RCC2: variants seen among roughly 807,000 people sequenced by gnomAD.
The protein encoded by RCC2 is regulator of chromosome condensation 2.
Under a neutral mutation model 64.1 loss-of-function variants are expected in RCC2, and 19 were observed. The ratio of observed to expected loss-of-function variants is 0.30; its 90% confidence interval spans 0.21 to 0.44. RCC2 has a LOEUF of 0.44. Among genes scored for constraint, RCC2 ranks in the 20% least tolerant of loss-of-function variants. The pLI, the probability that RCC2 is intolerant of heterozygous loss-of-function variation, is 1.00. For missense variants in RCC2, 508 were observed against 710.4 expected (o/e 0.72, Z 3.24); for synonymous variants, 325 against 279.6 (o/e 1.16, Z -1.62).
At position 17,412,267 on chromosome 1, in the gene RCC2, C is replaced by T. The variant is rs2075435200; in HGVS notation, c.1314-73G>A. On this transcript the variant is annotated intron_variant, in intron 10 of 12. Coordinates refer to ENST00000375436, the MANE Select transcript of RCC2 (RefSeq NM_018715.4). ...CACCCACGCAGCTATGGCTCAAGGG[C>T]ATGAGTGTGAGCTGCCACTTTTCCC... 2.1e-6 allele frequency: 3 copies of T among 1,428,506 alleles called. No homozygotes were observed. The South Asian group carries it at 3.5e-5, about 17-fold the overall frequency. 88.5% of individuals were successfully genotyped at this position (1,428,506 alleles called of 1,614,324 possible).
intron 3 of RCC2, among the ~76,000 whole-genome samples, chr1:17,427,006 T>G (rs2075624393): frequency 6.6e-6 from 1 of 152,050 alleles, no homozygotes; most frequent in Admixed American, 6.6e-5. Flanking sequence ...AGTGATCCAC[T>G]CGACTCAGCC....
intron 2 of RCC2, among the ~76,000 whole-genome samples, chr1:17,434,661 G>GAC (rs1028711118): frequency 1.3e-5 from 2 of 152,230 alleles, no homozygotes; most frequent in African/African-American, 4.8e-5. Flanking sequence ...GGGGTGGAAG[G>GAC]ACAGTCTTGG....
chr1:17,438,366 C>T lies in RCC2; in HGVS notation c.149G>A (p.Ser50Asn). Residue 50 changes from serine (S) to asparagine (N), a missense_variant, in exon 2 of 13, where the codon AGC becomes AAC. Ser to Asn is a conservative substitution (Grantham distance 46). Coordinates refer to ENST00000375436, the MANE Select transcript of RCC2 (RefSeq NM_018715.4). The part of the protein sequence containing the change: ...ERCSSSSGGG[S>N]SGDEDGLELD... The stretch of plus-strand genomic sequence containing the variant: ...CTCCAGGCCGTCCTCGTCGCCGCTG[C>T]TGCCGCCGCCGCTGCTGCTACTGCA... 3 of 1,241,842 alleles carry T rather than the reference C, an allele frequency of 2.4e-6. No homozygotes were observed. The highest frequency in any genetic ancestry group is 3.0e-6 in the Non-Finnish European group (3 of 995,830). The allele number at this position is 1,241,842 out of a possible 1,614,324, so 76.9% of individuals were successfully genotyped here. A position where few individuals can be genotyped will look rare whatever the true frequency, so the allele number is the denominator to read the frequency against.
intron 2 of RCC2, among the ~76,000 whole-genome samples, chr1:17,434,997 G>T (rs1017509382): frequency 6.6e-6 from 1 of 152,156 alleles, no homozygotes; most frequent in Non-Finnish European, 1.5e-5. Context: ...CAGCTACTCA[G>T]GAGGCTGAGG....
In RCC2 at chr1:17,422,257, C is replaced by A; in HGVS notation, c.690G>T (p.Lys230Asn). 1 of 1,612,224 alleles carries A rather than the reference C, an allele frequency of 6.2e-7. No individual in the cohort carries two copies. The highest frequency in any genetic ancestry group is 8.5e-7 in the Non-Finnish European group (1 of 1,179,928). ...TGSVFAFGEN[K>N]MGQLGLGNQT... ...GGTTGCCAAGGCCCAGCTGCCCCAT[C>A]TTGTTTTCCCCAAACGCAAACACGG... The change falls in exon 6 of 13, where the codon AAG becomes AAT. Residue 230 changes from lysine to asparagine, a missense_variant. Transcript: ENST00000375436.
chr1:17,433,668 CAG>C (rs930377720), intron 2 of RCC2, among the ~76,000 whole-genome samples: 2 of 152,202 alleles, frequency 1.3e-5, no homozygotes, highest in African/African-American at 4.8e-5. Context: ...ATAACCTGGG[CAG>C]AGACACACAG....
intron 3 of RCC2, among the ~76,000 whole-genome samples, chr1:17,427,911 C>A (rs537928558): frequency 2.6e-5 from 4 of 152,212 alleles, no homozygotes; most frequent in African/African-American, 4.8e-5. Context: ...TCAATTCCCA[C>A]GGCCTCCGGA....
chr1:17,414,893 T>G (rs1438041337), intron 8 of RCC2, among the ~76,000 whole-genome samples: 4 of 152,102 alleles, frequency 2.6e-5, no homozygotes, highest in Middle Eastern at 3.2e-3. Context: ...GTCCTCTGAT[T>G]ACAAACATGA....
chr1:17,414,198 T>C (rs748230755), intron 8 of RCC2, among the ~76,000 whole-genome samples: 1 of 152,202 alleles, frequency 6.6e-6, no homozygotes, highest in African/African-American at 2.4e-5. Context: ...AACAGGGCTA[T>C]GTCTCCTGAG....
intron 2 of RCC2, among the ~76,000 whole-genome samples, chr1:17,433,388 G>A (rs1252687512): frequency 6.6e-6 from 1 of 152,352 alleles, no homozygotes; most frequent in East Asian, 1.9e-4. Context: ...AATCGTGGGA[G>A]AGACTCCCGC....
At chr1:17,434,783 AG>A (rs1314799129) in intron 2 of RCC2, among the ~76,000 whole-genome samples, 4 of 152,208 alleles carry the variant, frequency 2.6e-5, no homozygotes, top group African/African-American at 9.6e-5. Flanking sequence ...GCTTGATAGC[AG>A]GGGGAGACCT....
chr1:17,437,892 G>C (rs914079273), intron 2 of RCC2, among the ~76,000 whole-genome samples: 1 of 145,848 alleles, frequency 6.9e-6, no homozygotes, highest in Non-Finnish European at 1.5e-5. Flanking sequence ...CCCGGGGCGG[G>C]GGGGGAGGGG....
chr1:17,412,495 C>A (rs2075437961), intron 10 of RCC2, among the ~76,000 whole-genome samples: 1 of 152,220 alleles, frequency 6.6e-6, no homozygotes, highest in Non-Finnish European at 1.5e-5. Flanking sequence ...GAAGAGGAGA[C>A]CAGATCAGGA....
chr1:17,437,783 C>G (rs1342951600), intron 2 of RCC2, among the ~76,000 whole-genome samples: 1 of 146,918 alleles, frequency 6.8e-6, no homozygotes, highest in African/African-American at 2.4e-5. Flanking sequence ...GCCGGCCGCC[C>G]CCTCCCCGCG....
Position 17,438,317 on chromosome 1 carries a change from G to T in RCC2, c.198C>A (p.Gly66=). The T allele has an allele frequency of 8.1e-7, 1 of 1,237,434 alleles. No individual in the cohort carries two copies. Among genetic ancestry groups the T allele is most frequent in the South Asian group, 2.6e-5 (1 of 39,066 alleles). The allele number at this position is 1,237,434 out of a possible 1,614,324, so 76.7% of individuals were successfully genotyped here. Reference sequence around the variant, plus strand: ...CTGTCGCCGGCCGCGCCGCGCGCTTGCCCCCGCCGGGGGCCCCGTCGAGCT... The same window carrying T: ...CTGTCGCCGGCCGCGCCGCGCGCTTTCCCCCGCCGGGGGCCCCGTCGAGCT... ...GLELDGAPGG[G]KRAARPATAG... The change falls in exon 2 of 13, where the codon GGC becomes GGA. Residue 66 remains glycine (G), a synonymous_variant. Coordinates refer to ENST00000375436, the MANE Select transcript of RCC2 (RefSeq NM_018715.4).
chr1:17,438,260 G>T lies in RCC2; in HGVS notation c.255C>A (p.Ile85=). 7.5e-7 allele frequency: 1 copy of T among 1,332,932 alleles called. No individual in the cohort carries two copies. The highest frequency in any genetic ancestry group is 9.8e-7 in the Non-Finnish European group (1 of 1,023,152). The allele number at this position is 1,332,932 out of a possible 1,614,324, so 82.6% of individuals were successfully genotyped here. The change falls in exon 2 of 13, where the codon ATC becomes ATA. Residue 85 remains isoleucine, a synonymous_variant. Transcript: ENST00000375436. ...GCTCCTTGGTGTGCTCGGGTTCGGT[G>T]ATGACCACGGCCGCGCCGCCCGCCT... is the stretch of plus-strand genomic sequence containing the variant. The part of the protein sequence containing the change: ...AGKAGGAAVV[I]TEPEHTKERV...
chr1:17,411,580 C>CA (rs56163231), intron 11 of RCC2, among the ~76,000 whole-genome samples: 9,458 of 63,672 alleles, frequency 0.15, 439 homozygotes, highest in Non-Finnish European at 0.18. Flanking sequence ...AACTCCATCT[C>CA]AAAAAAAAAA....
chr1:17,438,205 C>T (rs1251563207), intron 2 of RCC2, 25 bp downstream of exon 2: 10 of 1,209,600 alleles, frequency 8.3e-6, no homozygotes, highest in South Asian at 8.1e-5. Context: ...CCTGCGCCCA[C>T]CCGTCTACCC....
intron 6 of RCC2, among the ~76,000 whole-genome samples, chr1:17,421,951 G>GGAGGCGGAGGTTGCAGT: frequency 6.6e-6 from 1 of 152,248 alleles, no homozygotes; most frequent in East Asian, 1.9e-4. Context: ...CTTGAACCCG[G>GGAGGCGGAGGTTGCAGT]GAGGCGGAGG....
Sources: gnomAD v4.1 joint callset for allele counts (sites outside exome capture counted in the v4.1 genomes callset) on GRCh38, gnomAD v4.1.1 for gene constraint, MANE v1.5 for transcripts, NCBI Gene and HGNC (gene_info 2026-07-23, HGNC 2026-07-21) for gene names.